The following RABGAP1 variants were observed in gnomAD, a reference collection of about 807,000 sequenced individuals.
RABGAP1 encodes the protein RAB GTPase activating protein 1, also known as rab GTPase-activating protein 1.
In RABGAP1, 23 loss-of-function variants were observed where a neutral mutation model predicts 137.6. The observed-to-expected ratio is 0.17, with a 90% CI of 0.12 to 0.24. The LOEUF is 0.24. Ranked by LOEUF, RABGAP1 falls within the 10% of genes least tolerant of loss-of-function variation. RABGAP1 has a pLI of 1.00. For missense variants in RABGAP1, 906 were observed against 1,275.8 expected, an observed-to-expected ratio of 0.71 and a Z score of 4.42; for synonymous variants, 451 against 450.7, an observed-to-expected ratio of 1.00 and a Z score of -0.01.
chr9:123,021,977 A>G (rs2031667944), intron 13 of RABGAP1, among the ~76,000 whole-genome samples: 1 of 152,224 alleles, frequency 6.6e-6, no homozygotes, highest in Admixed American at 6.5e-5. Flanking sequence ...AATTCCAGGT[A>G]TAGAAAGATG....
chr9:123,094,095 C>T (rs1275324454), intron 21 of RABGAP1, among the ~76,000 whole-genome samples: 2 of 152,174 alleles, frequency 1.3e-5, no homozygotes, highest in Non-Finnish European at 2.9e-5. Context: ...GTGTTGTGAC[C>T]TTGTATCCTG....
chr9:122,983,295 G>GA (rs2131739424), intron 2 of RABGAP1, among the ~76,000 whole-genome samples: 1 of 152,240 alleles, frequency 6.6e-6, no homozygotes, highest in South Asian at 2.1e-4. Flanking sequence ...AATTCCATTA[G>GA]CAGTAACTCC....
Position 122,984,600 on chromosome 9 carries a change from A to C in RABGAP1, c.266A>C (p.Asp89Ala). ...EKELVKRSQL[D>A]GEGDGPLSNQ... ...GAGCTTGTGAAAAGGTCACAACTGG[A>C]TGGTGAAGGAGATGGGCCTCTTTCT... Residue 89 changes from aspartate to alanine, a missense_variant, in exon 3 of 26, where the codon GAT (aspartate) becomes GCT (alanine). Around this residue, in one of 9 missense-constraint regions of RABGAP1, gnomAD observed 331 missense variants for 358.3 expected, o/e 0.92. Transcript: ENST00000373647. The C allele has an allele frequency of 6.2e-7, 1 of 1,614,174 alleles. No homozygotes were observed. The highest frequency in any genetic ancestry group is 1.1e-5 in the South Asian group (1 of 91,080).
chr9:122,982,662 G>A (rs1836136271), intron 2 of RABGAP1, among the ~76,000 whole-genome samples: 1 of 152,044 alleles, frequency 6.6e-6, no homozygotes, highest in South Asian at 2.1e-4. Context: ...CTTACTGCAG[G>A]TGATACAGTA....
At chr9:123,061,030 T>C (rs1420518678) in intron 13 of RABGAP1, among the ~76,000 whole-genome samples, 1 of 152,198 alleles carries the variant, frequency 6.6e-6, no homozygotes, top group Non-Finnish European at 1.5e-5. Context: ...ATTACTGTGT[T>C]GTAGTATACT....
At chr9:123,063,497 G>A (rs1381738966) in intron 13 of RABGAP1, among the ~76,000 whole-genome samples, 4 of 152,220 alleles carry the variant, frequency 2.6e-5, no homozygotes, top group Non-Finnish European at 5.9e-5. Context: ...TGTTTACAAA[G>A]TGTTTGTACC....
chr9:123,065,037 C>T (rs2034123140), intron 13 of RABGAP1, among the ~76,000 whole-genome samples: 1 of 152,154 alleles, frequency 6.6e-6, no homozygotes, highest in Admixed American at 6.5e-5. Flanking sequence ...ATAGGAAATC[C>T]ATTCTTAATA....
At chr9:122,954,846 A>G (rs1834425180) in intron 1 of RABGAP1, among the ~76,000 whole-genome samples, 1 of 152,208 alleles carries the variant, frequency 6.6e-6, no homozygotes, top group Non-Finnish European at 1.5e-5. Flanking sequence ...CTTTGACTCT[A>G]ACCACATTAC....
chr9:123,004,624 T>C (rs568502187), intron 10 of RABGAP1, among the ~76,000 whole-genome samples: 1 of 152,314 alleles, frequency 6.6e-6, no homozygotes, highest in South Asian at 2.1e-4. Context: ...GTTGGTGATA[T>C]TTACCTGATT....
chr9:122,950,729 A>G (rs1834200443), intron 1 of RABGAP1, among the ~76,000 whole-genome samples: 1 of 152,204 alleles, frequency 6.6e-6, no homozygotes, highest in African/African-American at 2.4e-5. Context: ...AATAGAAGAA[A>G]AAGAAAATAT....
At chr9:122,995,807 G>A (rs1326556019) in intron 6 of RABGAP1, among the ~76,000 whole-genome samples, 1 of 152,066 alleles carries the variant, frequency 6.6e-6, no homozygotes, top group Admixed American at 6.6e-5. Flanking sequence ...GACCTCAAGT[G>A]ATCTACTCAC....
At chr9:123,004,821 C>T (rs2030064014) in intron 10 of RABGAP1, among the ~76,000 whole-genome samples, 1 of 152,048 alleles carries the variant, frequency 6.6e-6, no homozygotes, top group Admixed American at 6.6e-5. Context: ...CTTTGGGAGG[C>T]CGAGGCAGAT....
At chr9:122,950,377 C>CTTTCTTTT (rs1834167534) in intron 1 of RABGAP1, among the ~76,000 whole-genome samples, 1 of 74,492 alleles carries the variant, frequency 1.3e-5, no homozygotes, top group African/African-American at 5.3e-5. Context: ...CTTTTTCTTT[C>CTTTCTTTT]TTTTTTTTTT....
chr9:123,050,495 A>C (rs2033406968), intron 13 of RABGAP1, among the ~76,000 whole-genome samples: 2 of 152,230 alleles, frequency 1.3e-5, no homozygotes, highest in South Asian at 4.1e-4. Context: ...CTAGTTGAAA[A>C]TACTGACTTA....
At position 123,104,037 on chromosome 9, in the gene RABGAP1, T is replaced by C. The variant is rs1366953799; in HGVS notation, c.*824T>C. 6.6e-6 allele frequency: 1 copy of C among 151,202 alleles called. No homozygotes were observed. Among genetic ancestry groups the C allele is most frequent in the African/African-American group, 2.4e-5 (1 of 40,940 alleles). The allele number at this position is 151,202 out of a possible 1,614,324, so 9.4% of individuals were successfully genotyped here. A position where few individuals can be genotyped will look rare whatever the true frequency, so the allele number is the denominator to read the frequency against. On this transcript the variant is annotated 3_prime_UTR_variant, in exon 26 of 26. Coordinates refer to ENST00000373647, the MANE Select transcript of RABGAP1 (RefSeq NM_012197.4). ...TAAATATCTTTCCCAATATGCCCCG[T>C]TGACAGTGTTTAAATTCCAGACTAG...
chr9:123,046,305 G>A (rs1461896484), intron 13 of RABGAP1, among the ~76,000 whole-genome samples: 1 of 152,162 alleles, frequency 6.6e-6, no homozygotes, highest in African/African-American at 2.4e-5. Flanking sequence ...GCGGTAAAGA[G>A]GGGTCACTTT....
intron 13 of RABGAP1, among the ~76,000 whole-genome samples, chr9:123,036,051 C>T: frequency 6.6e-6 from 1 of 152,168 alleles, no homozygotes; most frequent in East Asian, 1.9e-4. Context: ...TTGATTTCTT[C>T]TAACGGAATA....
At chr9:122,976,847 A>G (rs1236011322) in intron 2 of RABGAP1, among the ~76,000 whole-genome samples, 1 of 152,250 alleles carries the variant, frequency 6.6e-6, no homozygotes, top group Non-Finnish European at 1.5e-5. Context: ...AATCCTATCT[A>G]GAACGGTTAA....
At chr9:122,964,070 G>A (rs996413164) in intron 2 of RABGAP1, among the ~76,000 whole-genome samples, 1 of 152,140 alleles carries the variant, frequency 6.6e-6, no homozygotes, top group African/African-American at 2.4e-5. Flanking sequence ...GATTGAATTA[G>A]TAATCAAAAA....
Sources: allele counts gnomAD v4.1 joint callset (sites outside exome capture counted in the v4.1 genomes callset), GRCh38; gene constraint gnomAD v4.1.1; regional missense constraint gnomAD v4.1.1; transcripts MANE v1.5; gene names NCBI Gene and HGNC (gene_info 2026-07-23, HGNC 2026-07-21).